The following CDK5RAP2 variants were observed in gnomAD, a reference collection of about 807,000 sequenced individuals.
CDK5RAP2 encodes CDK5 regulatory subunit associated protein 2.
In CDK5RAP2, 147 loss-of-function variants were observed where a neutral mutation model predicts 232.9. That is an observed-to-expected ratio of 0.63 (90% CI 0.55 to 0.72). The LOEUF is 0.72. Ranked by LOEUF, CDK5RAP2 falls within the 30% of genes least tolerant of loss-of-function variation. The pLI, the probability that CDK5RAP2 is intolerant of heterozygous loss-of-function variation, is 0.00. For missense variants in CDK5RAP2, 2,195 were observed against 2,231.5 expected, an observed-to-expected ratio of 0.98 and a Z score of 0.33; for synonymous variants, 833 against 833.7, an observed-to-expected ratio of 1.00 and a Z score of 0.01.
chr9:120,577,360 CAA>C (rs34908774), intron 1 of CDK5RAP2, among the ~76,000 whole-genome samples: 470 of 125,284 alleles, frequency 3.8e-3, no homozygotes, highest in Middle Eastern at 4.1e-3. Context: ...GACCCTGTCT[CAA>C]AAAAAAAAAA....
intron 12 of CDK5RAP2, among the ~76,000 whole-genome samples, chr9:120,514,397 A>G (rs1161687827): frequency 6.6e-6 from 1 of 152,176 alleles, no homozygotes; most frequent in East Asian, 1.9e-4. Context: ...CCCTTCTGCC[A>G]AGGCACAATA....
intron 3 of CDK5RAP2, among the ~76,000 whole-genome samples, chr9:120,559,303 C>T (rs565633918): frequency 1.3e-5 from 2 of 151,558 alleles, no homozygotes; most frequent in Admixed American, 1.3e-4. Context: ...CTGGCTAACA[C>T]GATGAAACCC....
intron 35 of CDK5RAP2, among the ~76,000 whole-genome samples, chr9:120,400,238 A>T (rs1338221948): frequency 1.3e-5 from 2 of 152,184 alleles, no homozygotes; most frequent in African/African-American, 2.4e-5. Flanking sequence ...GGAGCCTGTC[A>T]TTCCTAAGTA....
chr9:120,415,239 G>A, intron 27 of CDK5RAP2, 80 bp from the exon 28 acceptor site: 1 of 1,522,206 alleles, frequency 6.6e-7, no homozygotes, highest in East Asian at 2.3e-5. Context: ...CAGGGATCCT[G>A]AAATTCCAAA....
chr9:120,450,402 T>C (rs2036419879), intron 21 of CDK5RAP2, among the ~76,000 whole-genome samples: 1 of 152,222 alleles, frequency 6.6e-6, no homozygotes, highest in African/African-American at 2.4e-5. Context: ...GTACAAGGTT[T>C]CTTTTGGGAT....
At chr9:120,572,530 T>C (rs1169358189) in intron 1 of CDK5RAP2, among the ~76,000 whole-genome samples, 2 of 152,208 alleles carry the variant, frequency 1.3e-5, no homozygotes, top group East Asian at 3.8e-4. Context: ...CAGACACCAA[T>C]TTAGATGTTT....
intron 25 of CDK5RAP2, among the ~76,000 whole-genome samples, chr9:120,426,706 C>G (rs978907471): frequency 6.6e-6 from 1 of 152,138 alleles, no homozygotes; most frequent in African/African-American, 2.4e-5. Context: ...TGTAAGTGTT[C>G]CCTACAAGAG....
intron 35 of CDK5RAP2, among the ~76,000 whole-genome samples, chr9:120,400,147 G>A: frequency 6.6e-6 from 1 of 152,154 alleles, no homozygotes; most frequent in Non-Finnish European, 1.5e-5. Context: ...GCCAGAGTGG[G>A]CGTTCACCTT....
chr9:120,440,046 A>G, intron 23 of CDK5RAP2, 74 bp from the exon 24 acceptor site: 2 of 1,315,042 alleles, frequency 1.5e-6, no homozygotes, highest in South Asian at 1.2e-5. Flanking sequence ...TCACAGCCCT[A>G]GCCAAGCCAA....
chr9:120,416,505 T>C (rs569267126), intron 27 of CDK5RAP2, among the ~76,000 whole-genome samples: 61 of 152,358 alleles, frequency 4.0e-4, no homozygotes, highest in African/African-American at 1.2e-3. Context: ...GAAATATATC[T>C]AAATATTAAT....
intron 30 of CDK5RAP2, 22 bp downstream of exon 30, chr9:120,409,105 A>G (rs753065594): frequency 6.2e-7 from 1 of 1,609,084 alleles, no homozygotes; most frequent in Non-Finnish European, 8.5e-7. Context: ...CCAGCAGGCC[A>G]CCAGGGAAGC....
intron 28 of CDK5RAP2, among the ~76,000 whole-genome samples, chr9:120,412,308 G>A (rs985855270): frequency 7.9e-5 from 12 of 152,192 alleles, no homozygotes; most frequent in African/African-American, 2.9e-4. Context: ...GCAGACAGAT[G>A]CTTCCCTCCC....
chr9:120,571,353 A>C (rs1011584107), intron 2 of CDK5RAP2, among the ~76,000 whole-genome samples: 16 of 152,208 alleles, frequency 1.1e-4, no homozygotes, highest in African/African-American at 3.9e-4. Context: ...AATATCTTAG[A>C]GATATTTTGC....
chr9:120,408,116 G>A (rs1238848948), intron 31 of CDK5RAP2: 4 of 559,594 alleles, frequency 7.1e-6, no homozygotes, highest in East Asian at 3.3e-5. Flanking sequence ...GAACAAGTGA[G>A]TGGGAACCCG....
rs1028305312 is a variant in CDK5RAP2, at chr9:120,429,992, G to C, written c.3956-7251C>G. ...ACTATCTGATCTTTGACAAACCTGA[G>C]AAAAACAAGCAATGGGGAAAGGATT... On this transcript the variant is annotated intron_variant, in intron 25 of 37. Coordinates refer to ENST00000349780, the MANE Select transcript of CDK5RAP2 (RefSeq NM_018249.6). Among the ~76,000 whole-genome samples the C allele has an allele frequency of 2.0e-4, 31 of 152,196 alleles. 1 individual carries two copies. In the South Asian group the frequency reaches 2.3e-3, roughly 11 times the overall value.
Position 120,409,003 on chromosome 9 carries a change from T to G in CDK5RAP2, c.4604+124A>C. On this transcript the variant is annotated intron_variant, in intron 30 of 37. Coordinates refer to ENST00000349780, the MANE Select transcript of CDK5RAP2 (RefSeq NM_018249.6). Reference sequence around the variant, plus strand: ...TTGTAGGCGCACCAGACGTACAATGTGTTTGTGTCTACTGCCTGCCACTGT... The same window carrying G: ...TTGTAGGCGCACCAGACGTACAATGGGTTTGTGTCTACTGCCTGCCACTGT... 7.0e-6 allele frequency: 6 copies of G among 857,684 alleles called. 1 individual carries two copies. The South Asian group carries it at 8.3e-5, about 12-fold the overall frequency. The allele number at this position is 857,684 out of a possible 1,614,324, so 53.1% of individuals were successfully genotyped here.
At chr9:120,480,342 AT>A (rs1287940755) in intron 14 of CDK5RAP2, among the ~76,000 whole-genome samples, 6 of 152,332 alleles carry the variant, frequency 3.9e-5, no homozygotes, top group African/African-American at 1.4e-4. Context: ...TCTAACTGAA[AT>A]TTAGCATTAC....
chr9:120,464,648 ACT>A (rs1334578152), intron 18 of CDK5RAP2, among the ~76,000 whole-genome samples: 1 of 151,730 alleles, frequency 6.6e-6, no homozygotes, highest in Non-Finnish European at 1.5e-5. Context: ...TTTTAACAAG[ACT>A]CTCAGGAAAT....
chr9:120,434,803 C>G (rs769424583), intron 25 of CDK5RAP2, among the ~76,000 whole-genome samples: 2 of 152,148 alleles, frequency 1.3e-5, no homozygotes, highest in Non-Finnish European at 2.9e-5. Context: ...AAAACTGATC[C>G]TTGGATTTGG....
Sources: allele counts gnomAD v4.1 joint callset (sites outside exome capture counted in the v4.1 genomes callset), GRCh38; gene constraint gnomAD v4.1.1; transcripts MANE v1.5; gene names NCBI Gene and HGNC (gene_info 2026-07-23, HGNC 2026-07-21).